Variants in SPAG16 observed in about 807,000 individuals in gnomAD.
The protein encoded by SPAG16 is sperm-associated antigen 16 protein.
A neutral mutation model predicts 80.4 loss-of-function variants in SPAG16; 86 were observed. The observed-to-expected ratio is 1.07, with a 90% confidence interval of 0.90 to 1.28. The LOEUF (loss-of-function observed/expected upper bound fraction) is 1.28. SPAG16 is among the 50% of genes most tolerant of loss of function. The pLI is 0.00. For missense variants in SPAG16, 870 were observed against 765.3 expected (o/e 1.14, Z -1.61); for synonymous variants, 294 against 265.9 (o/e 1.11, Z -1.03).
chr2:213,785,156 C>T (rs1231538179), intron 10 of SPAG16, among the ~76,000 whole-genome samples: 3 of 152,124 alleles, frequency 2.0e-5, no homozygotes, highest in Non-Finnish European at 4.4e-5. Flanking sequence ...AGGTAACCAT[C>T]GTTAGCATTT....
intron 8 of SPAG16, chr2:213,364,480 A>C (rs1398748044): frequency 1.3e-5 from 2 of 159,592 alleles, no homozygotes; most frequent in African/African-American, 4.8e-5. Context: ...AAGTAACAGA[A>C]GGCAATTGAC....
At chr2:213,489,097 AG>A (rs1321561798) in intron 9 of SPAG16, among the ~76,000 whole-genome samples, 7 of 151,704 alleles carry the variant, frequency 4.6e-5, no homozygotes, top group Non-Finnish European at 7.4e-5. Flanking sequence ...AAAAAAAAAA[AG>A]ATTTTTCATG....
intron 5 of SPAG16, among the ~76,000 whole-genome samples, chr2:213,338,616 T>C (rs999142378): frequency 6.6e-6 from 1 of 152,190 alleles, no homozygotes; most frequent in Non-Finnish European, 1.5e-5. Context: ...TCAACCCAGA[T>C]GCCCATCAAT....
chr2:214,087,090 TG>T (rs1576129736), intron 13 of SPAG16, among the ~76,000 whole-genome samples: 1 of 152,184 alleles, frequency 6.6e-6, no homozygotes, highest in Non-Finnish European at 1.5e-5. Flanking sequence ...AGTTCTGTCT[TG>T]ATATATCAGA....
At position 214,400,384 on chromosome 2, in the gene SPAG16, CA is replaced by C. The variant is rs538241943; in HGVS notation, c.1721-9748del. 2.9e-3 allele frequency among the ~76,000 whole-genome samples: 437 copies of C among 149,936 alleles called. 2 individuals carry two copies. Among genetic ancestry groups the C allele is most frequent in the African/African-American group, 0.01 (425 of 40,912 alleles). On this transcript the variant is annotated intron_variant, in intron 15 of 15. Transcript: ENST00000331683. ...GAACCAATCACAGATTGAAAATATT[CA>C]AAAAAAAGTATAACAAAAATAATAT...
At chr2:214,177,782 T>C (rs1440215571) in intron 15 of SPAG16, among the ~76,000 whole-genome samples, 1 of 148,864 alleles carries the variant, frequency 6.7e-6, no homozygotes, top group Non-Finnish European at 1.5e-5. Context: ...AACAATGAAG[T>C]TTTATAATAA....
chr2:213,564,743 T>A (rs2059705276), intron 10 of SPAG16, among the ~76,000 whole-genome samples: 1 of 152,188 alleles, frequency 6.6e-6, no homozygotes, highest in African/African-American at 2.4e-5. Flanking sequence ...TTAACGTTCA[T>A]TAACTTTGTT....
intron 15 of SPAG16, among the ~76,000 whole-genome samples, chr2:214,284,995 AG>A (rs1693246871): frequency 6.6e-6 from 1 of 152,196 alleles, no homozygotes; most frequent in African/African-American, 2.4e-5. Flanking sequence ...TATCCCCAAA[AG>A]TGAGATTGTT....
At chr2:213,830,482 TTA>T (rs1251924027) in intron 10 of SPAG16, among the ~76,000 whole-genome samples, 1 of 152,192 alleles carries the variant, frequency 6.6e-6, no homozygotes, top group Non-Finnish European at 1.5e-5. Flanking sequence ...TTTTTGGTTC[TTA>T]TAAAGGTGGT....
chr2:213,875,106 TA>T (rs1159768535), intron 11 of SPAG16, among the ~76,000 whole-genome samples: 2 of 96,156 alleles, frequency 2.1e-5, no homozygotes, highest in Non-Finnish European at 5.3e-5. Flanking sequence ...CACATCAAAC[TA>T]ATTTTTTTTT....
intron 15 of SPAG16, among the ~76,000 whole-genome samples, chr2:214,325,752 C>T (rs1467990607): frequency 6.6e-6 from 1 of 151,232 alleles, no homozygotes; most frequent in African/African-American, 2.4e-5. Flanking sequence ...ATTCCAGTTA[C>T]AGATGAAGCA....
chr2:213,852,052 T>G (rs1465399421), intron 10 of SPAG16, among the ~76,000 whole-genome samples: 1 of 152,266 alleles, frequency 6.6e-6, no homozygotes, highest in Non-Finnish European at 1.5e-5. Flanking sequence ...TTTAAATTAT[T>G]GTGTTTTGTA....
At chr2:213,722,885 A>G (rs2066593750) in intron 10 of SPAG16, among the ~76,000 whole-genome samples, 1 of 152,012 alleles carries the variant, frequency 6.6e-6, no homozygotes, top group Non-Finnish European at 1.5e-5. Flanking sequence ...GGGGCTTAGG[A>G]TTTGATTTTT....
intron 14 of SPAG16, among the ~76,000 whole-genome samples, chr2:214,147,808 A>T (rs904289530): frequency 5.9e-5 from 9 of 152,180 alleles, no homozygotes; most frequent in Admixed American, 3.3e-4. Context: ...AGAATTTTAA[A>T]ACTAATTGCA....
intron 9 of SPAG16, among the ~76,000 whole-genome samples, chr2:213,446,409 G>A (rs2071312974): frequency 6.6e-6 from 1 of 152,098 alleles, no homozygotes. Flanking sequence ...CTGAACTTCA[G>A]GAAATGAAAA....
intron 15 of SPAG16, among the ~76,000 whole-genome samples, chr2:214,221,647 T>A (rs9631004): frequency 1.3e-5 from 2 of 152,072 alleles, no homozygotes; most frequent in African/African-American, 4.8e-5. Context: ...GACCCCCACC[T>A]GATCTCTCAA....
intron 15 of SPAG16, among the ~76,000 whole-genome samples, chr2:214,203,557 A>T (rs554377440): frequency 2.0e-5 from 3 of 152,298 alleles, no homozygotes; most frequent in African/African-American, 7.2e-5. Flanking sequence ...TCACTGGGGA[A>T]CCTCAAGTTC....
chr2:214,025,606 G>A (rs1575866737), intron 13 of SPAG16, among the ~76,000 whole-genome samples: 1 of 151,548 alleles, frequency 6.6e-6, no homozygotes, highest in African/African-American at 2.4e-5. Flanking sequence ...AGTGTTTCCG[G>A]CATTCTGCTG....
chr2:213,887,802 T>A (rs1464528608), intron 11 of SPAG16, among the ~76,000 whole-genome samples: 2 of 151,796 alleles, frequency 1.3e-5, no homozygotes, highest in Non-Finnish European at 2.9e-5. Flanking sequence ...TAGGAAATAT[T>A]GATTATAGAT....
Sources: gnomAD v4.1 joint callset for allele counts (sites outside exome capture counted in the v4.1 genomes callset) on GRCh38, gnomAD v4.1.1 for gene constraint, MANE v1.5 for transcripts, NCBI Gene and HGNC (gene_info 2026-07-23, HGNC 2026-07-21) for gene names.